HEATR5A: variants seen among roughly 807,000 people sequenced by gnomAD.
HEATR5A encodes the protein HEAT repeat containing 5A, also known as HEAT repeat-containing protein 5A.
In HEATR5A, 178 loss-of-function variants were observed where a neutral mutation model predicts 218.8. That is an observed-to-expected ratio of 0.81 (90% CI 0.72 to 0.92). HEATR5A has a LOEUF of 0.92. Among genes scored for constraint, HEATR5A ranks in the 40% least tolerant of loss-of-function variants. HEATR5A has a pLI of 0.00. For synonymous variants in HEATR5A, 864 were observed against 871.6 expected (o/e 0.99, Z 0.15); for missense variants, 2,420 against 2,418.9 (o/e 1.00, Z -0.01).
intron 1 of HEATR5A, among the ~76,000 whole-genome samples, chr14:31,419,915 C>T (rs1005745961): frequency 2.0e-5 from 3 of 152,126 alleles, no homozygotes; most frequent in Admixed American, 6.5e-5. Flanking sequence ...TATCCACACT[C>T]TCCACTGCTC....
rs1202962091 is a variant in HEATR5A at position 31,292,013 on chromosome 14, T to C, written c.*1292A>G. 1 of 152,248 alleles carries C rather than the reference T, an allele frequency of 6.6e-6. No individual in the cohort carries two copies. The highest frequency in any genetic ancestry group is 6.5e-5 in the Admixed American group (1 of 15,282). 9.4% of individuals were successfully genotyped at this position (152,248 alleles called of 1,614,324 possible). On this transcript the variant is annotated 3_prime_UTR_variant, in exon 36 of 36. Transcript: ENST00000543095. ...AGGGAAATGCTCTGTTTTGACACAG[T>C]GCTTGATTCACACAGTATAACACTG...
At chr14:31,378,087 C>G (rs1219757364) in intron 11 of HEATR5A, among the ~76,000 whole-genome samples, 1 of 152,166 alleles carries the variant, frequency 6.6e-6, no homozygotes, top group Non-Finnish European at 1.5e-5. Context: ...CATGAACACC[C>G]AGCAATAAGC....
At chr14:31,316,235 T>A (rs1171448964) in intron 26 of HEATR5A, among the ~76,000 whole-genome samples, 2 of 151,992 alleles carry the variant, frequency 1.3e-5, no homozygotes, top group African/African-American at 4.8e-5. Context: ...TGAGCTAGGA[T>A]TGAGCCACGT....
At chr14:31,329,336 C>T (rs780562735) in intron 22 of HEATR5A, among the ~76,000 whole-genome samples, 1 of 152,192 alleles carries the variant, frequency 6.6e-6, no homozygotes, top group South Asian at 2.1e-4. Context: ...TCATCTGAGA[C>T]AAGGCCTATG....
chr14:31,339,868 A>G (rs1422375194), intron 21 of HEATR5A, among the ~76,000 whole-genome samples: 1 of 152,226 alleles, frequency 6.6e-6, no homozygotes, highest in East Asian at 1.9e-4. Context: ...CTAAAAAAGC[A>G]CTTTACAAGA....
chr14:31,321,156 C>G (rs1399908235), intron 25 of HEATR5A, among the ~76,000 whole-genome samples: 1 of 151,702 alleles, frequency 6.6e-6, no homozygotes, highest in South Asian at 2.1e-4. Flanking sequence ...CATCCTCAGA[C>G]AGTTTCAGAC....
At chr14:31,359,195 C>T in intron 14 of HEATR5A, 138 bp from the exon 15 acceptor site, 1 of 797,678 alleles carries the variant, frequency 1.3e-6, no homozygotes, top group Non-Finnish European at 2.0e-6. Flanking sequence ...ATTTCTCATC[C>T]TTGAAAACTG....
chr14:31,344,096 T>C, intron 20 of HEATR5A, 31 bp from the exon 21 acceptor site: 3 of 1,339,002 alleles, frequency 2.2e-6, no homozygotes, highest in Non-Finnish European at 3.0e-6. Context: ...CTTTTAATAA[T>C]TGGCCTATAA....
intron 1 of HEATR5A, among the ~76,000 whole-genome samples, chr14:31,417,336 G>A (rs1272044507): frequency 6.6e-6 from 1 of 152,154 alleles, no homozygotes; most frequent in Non-Finnish European, 1.5e-5. Context: ...GAGGTACGCG[G>A]ATCACGAGGT....
chr14:31,323,335 A>C (rs992396885), intron 24 of HEATR5A, among the ~76,000 whole-genome samples: 3 of 151,988 alleles, frequency 2.0e-5, no homozygotes, highest in Non-Finnish European at 4.4e-5. Flanking sequence ...TAATTAAAAA[A>C]ATTTTTTTAA....
intron 1 of HEATR5A, among the ~76,000 whole-genome samples, chr14:31,415,503 C>A (rs1244108015): frequency 6.6e-6 from 1 of 152,170 alleles, no homozygotes; most frequent in Non-Finnish European, 1.5e-5. Context: ...ACTGCAAATA[C>A]CTTTGCATCA....
intron 24 of HEATR5A, among the ~76,000 whole-genome samples, chr14:31,322,615 T>C (rs560350905): frequency 1.9e-4 from 29 of 152,148 alleles, no homozygotes; most frequent in South Asian, 1.9e-3. Flanking sequence ...GCCCAGAAGT[T>C]TGAGACAGCC....
chr14:31,366,784 T>C (rs918388676), intron 13 of HEATR5A, among the ~76,000 whole-genome samples: 5 of 152,134 alleles, frequency 3.3e-5, no homozygotes, highest in Non-Finnish European at 7.4e-5. Context: ...AAGCTGAAAC[T>C]AGAGTAGGAA....
In HEATR5A at chr14:31,305,016, T is replaced by C. The variant is rs748082591; in HGVS notation, c.5128A>G (p.Ser1710Gly). 65 of 1,613,892 alleles carry C rather than the reference T, an allele frequency of 4.0e-5. No homozygotes were observed. Among genetic ancestry groups the C allele is most frequent in the Non-Finnish European group, 5.5e-5 (65 of 1,179,898 alleles). Reference protein sequence around the residue: ...LPELNPKLTGSPGVKATKPQI... With the variant: ...LPELNPKLTGGPGVKATKPQI... ...GGCTTCGTAGCTTTTACTCCTGGGCTACCTGTCAATTTAGGGTTTAATTCT... is the reference window on the plus strand; with the variant it reads ...GGCTTCGTAGCTTTTACTCCTGGGCCACCTGTCAATTTAGGGTTTAATTCT... The change falls in exon 32 of 36, where the codon AGC (serine) becomes GGC (glycine). Residue 1710 changes from serine (S) to glycine (G), a missense_variant. Ser to Gly is a moderately conservative substitution (Grantham distance 56). Transcript: ENST00000543095.
At chr14:31,419,377 G>A (rs2031564787) in intron 1 of HEATR5A, among the ~76,000 whole-genome samples, 1 of 151,948 alleles carries the variant, frequency 6.6e-6, no homozygotes, top group African/African-American at 2.4e-5. Context: ...TTTCTAAAAT[G>A]TTTGGAAAAT....
intron 22 of HEATR5A, among the ~76,000 whole-genome samples, chr14:31,328,379 G>A (rs988340733): frequency 2.0e-5 from 3 of 152,128 alleles, no homozygotes; most frequent in Non-Finnish European, 4.4e-5. Context: ...AAGGTAATGT[G>A]AGTCATGACT....
At chr14:31,374,993 T>G (rs1220796971) in intron 11 of HEATR5A, 25 bp from the exon 12 acceptor site, 1 of 1,571,316 alleles carries the variant, frequency 6.4e-7, no homozygotes, top group South Asian at 1.2e-5. Context: ...ACTTGTCACT[T>G]GTAAGAGAAT....
intron 14 of HEATR5A, among the ~76,000 whole-genome samples, chr14:31,359,715 T>A (rs148954393): frequency 0.015 from 1,643 of 112,504 alleles, 23 homozygotes; most frequent in African/African-American, 0.047. Context: ...ACAGAATGAG[T>A]CTCCATCTCA....
chr14:31,411,854 A>C (rs1345109614), intron 1 of HEATR5A, among the ~76,000 whole-genome samples: 1 of 152,014 alleles, frequency 6.6e-6, no homozygotes, highest in African/African-American at 2.4e-5. Context: ...CATATTATAA[A>C]ATGATTTCTT....
Sources: allele counts gnomAD v4.1 joint callset (sites outside exome capture counted in the v4.1 genomes callset), GRCh38; gene constraint gnomAD v4.1.1; transcripts MANE v1.5; gene names NCBI Gene and HGNC (gene_info 2026-07-23, HGNC 2026-07-21).